TRPM7: variants seen among roughly 807,000 people sequenced by gnomAD.
TRPM7 encodes LTRPC ion channel family member 7.
Under a neutral mutation model 229.7 loss-of-function variants are expected in TRPM7, and 134 were observed. The ratio of observed to expected loss-of-function variants is 0.58; its 90% CI spans 0.51 to 0.67. The LOEUF (loss-of-function observed/expected upper bound fraction) is 0.67, where lower values mean the gene tolerates loss of function less well. TRPM7 is among the 30% of genes least tolerant of loss of function. The pLI, the probability that TRPM7 is intolerant of heterozygous loss-of-function variation, is 0.00. For synonymous variants in TRPM7, 699 were observed against 715.2 expected (o/e 0.98, Z 0.36); for missense variants, 1,901 against 2,210.0 (o/e 0.86, Z 2.80).
At chr15:50,637,398 T>A (rs373031063) in intron 7 of TRPM7, 24 bp downstream of exon 7, 31 of 1,604,144 alleles carry the variant, frequency 1.9e-5, no homozygotes, top group Non-Finnish European at 2.6e-5. Flanking sequence ...ATTTCAACAA[T>A]AACAAATTTG....
At chr15:50,660,204 T>C (rs559308434) in intron 2 of TRPM7, among the ~76,000 whole-genome samples, 2 of 152,232 alleles carry the variant, frequency 1.3e-5, no homozygotes, top group South Asian at 2.1e-4. Context: ...ACTCTAATGA[T>C]TGGAAGAGAT....
At chr15:50,620,311 T>C in intron 12 of TRPM7, among the ~76,000 whole-genome samples, 1 of 102,280 alleles carries the variant, frequency 9.8e-6, no homozygotes, top group Admixed American at 9.0e-5. Context: ...TTTTTTTCAA[T>C]TTTTTTTTTT....
Position 50,625,040 on chromosome 15 carries a change from T to C in TRPM7, c.1306-740A>G, listed in dbSNP as rs566314790. On this transcript the variant is annotated intron_variant, in intron 11 of 38. Transcript: ENST00000646667. ...ATTCAGCATTTGTAGCTGTCCTTTATATATTAAAGCCTATTTTATAAACTT... is the reference window on the plus strand; with the variant it reads ...ATTCAGCATTTGTAGCTGTCCTTTACATATTAAAGCCTATTTTATAAACTT... Among the ~76,000 whole-genome samples the C allele has an allele frequency of 5.9e-5, 9 of 152,368 alleles. No individual in the cohort carries two copies. The South Asian group carries it at 6.2e-4, about 11-fold the overall frequency.
chr15:50,647,699 T>C (rs565452493), intron 4 of TRPM7, among the ~76,000 whole-genome samples: 47 of 152,066 alleles, frequency 3.1e-4, no homozygotes, highest in East Asian at 5.9e-4. Flanking sequence ...TGAGCCGAGA[T>C]TGCGCCACCG....
At chr15:50,639,384 T>A (rs1596279263) in intron 6 of TRPM7, 40 bp downstream of exon 6, 2 of 1,499,424 alleles carry the variant, frequency 1.3e-6, no homozygotes, top group East Asian at 4.8e-5. Flanking sequence ...TTTGTTTACA[T>A]ATAATTTCAA....
At chr15:50,591,322 T>C (rs1220643467) in intron 26 of TRPM7, among the ~76,000 whole-genome samples, 1 of 152,160 alleles carries the variant, frequency 6.6e-6, no homozygotes, top group East Asian at 1.9e-4. Context: ...ACCTCCCCTA[T>C]GAGGTTCTCC....
intron 10 of TRPM7, 62 bp downstream of exon 10, chr15:50,631,353 TAC>T: frequency 1.0e-6 from 1 of 954,114 alleles, no homozygotes; most frequent in Non-Finnish European, 1.6e-6. Flanking sequence ...TATACACACA[TAC>T]ACACACATAT....
At chr15:50,587,041 CAAAA>C (rs901008145) in intron 27 of TRPM7, among the ~76,000 whole-genome samples, 22 of 151,890 alleles carry the variant, frequency 1.4e-4, no homozygotes, top group Non-Finnish European at 4.4e-5. Flanking sequence ...CAAAAGAAAA[CAAAA>C]AACCTCACAA....
intron 13 of TRPM7, among the ~76,000 whole-genome samples, chr15:50,617,803 C>T (rs147942551): frequency 9.9e-5 from 15 of 151,888 alleles, no homozygotes; most frequent in South Asian, 8.4e-4. Flanking sequence ...ACTACAGGCA[C>T]GTGACAACAT....
intron 15 of TRPM7, 104 bp from the exon 16 acceptor site, chr15:50,612,933 A>T: frequency 2.2e-6 from 2 of 928,164 alleles, no homozygotes; most frequent in Non-Finnish European, 3.1e-6. Context: ...CAGCTCCATA[A>T]AACTGCACAA....
Position 50,592,265 on chromosome 15 carries a change from C to CT in TRPM7, c.3969dup (p.Asp1324ArgfsTer5). On this transcript the variant is annotated frameshift_variant, in exon 26 of 39. Transcript: ENST00000646667. LOFTEE classifies it high-confidence loss of function. The stretch of plus-strand genomic sequence containing the variant: ...TGACCAAATATATTACACTGGGGAT[C>CT]TTTGTCATCTTTCATTAAAATATTA... 6.2e-7 allele frequency: 1 copy of CT among 1,613,876 alleles called. No individual in the cohort carries two copies. Among genetic ancestry groups the CT allele is most frequent in the Non-Finnish European group, 8.5e-7 (1 of 1,179,964 alleles).
intron 1 of TRPM7, among the ~76,000 whole-genome samples, chr15:50,665,991 T>A (rs201031773): frequency 6.6e-6 from 1 of 151,588 alleles, no homozygotes; most frequent in East Asian, 1.9e-4. Context: ...AGACTCTCTC[T>A]CAAAAAATAA....
Position 50,634,382 on chromosome 15 carries a change from C to A in TRPM7, c.1007G>T (p.Gly336Val). The change falls in exon 8 of 39, where the codon GGG becomes GTG. Residue 336 changes from glycine (G) to valine (V), a missense_variant and splice_region_variant. Gly to Val is a moderately radical substitution (Grantham distance 109). Coordinates refer to ENST00000646667, the MANE Select transcript of TRPM7 (RefSeq NM_017672.6). ...AYIHKQTEEG[G>V]NLPDAAEPDI... ...AATTAAAATGTTGTCATACACTTACCCTCCTTCTTCTGTTTGTTTATGAAT... is the reference window on the plus strand; with the variant it reads ...AATTAAAATGTTGTCATACACTTACACTCCTTCTTCTGTTTGTTTATGAAT... The A allele has an allele frequency of 6.5e-7, 1 of 1,544,380 alleles. No individual in the cohort carries two copies. The highest frequency in any genetic ancestry group is 8.7e-7 in the Non-Finnish European group (1 of 1,151,956).
chr15:50,597,333 A>G (rs928200150), intron 22 of TRPM7, among the ~76,000 whole-genome samples: 1 of 152,192 alleles, frequency 6.6e-6, no homozygotes, highest in African/African-American at 2.4e-5. Flanking sequence ...TGAATTAGTG[A>G]TAAGTTCTAG....
intron 36 of TRPM7, among the ~76,000 whole-genome samples, chr15:50,573,902 C>T (rs972711708): frequency 6.6e-6 from 1 of 151,916 alleles, no homozygotes; most frequent in African/African-American, 2.4e-5. Context: ...ACTAAAAATA[C>T]AAAAATTAGC....
intron 28 of TRPM7, among the ~76,000 whole-genome samples, chr15:50,585,622 G>T (rs2059322046): frequency 6.6e-6 from 1 of 151,972 alleles, no homozygotes; most frequent in Non-Finnish European, 1.5e-5. Context: ...TTATATTTTT[G>T]AATGTTAAGA....
intron 38 of TRPM7, among the ~76,000 whole-genome samples, chr15:50,562,751 C>T (rs1335871225): frequency 1.4e-5 from 2 of 144,694 alleles, no homozygotes; most frequent in Non-Finnish European, 3.0e-5. Flanking sequence ...TCAACCTGGG[C>T]GACAGAGTGA....
chr15:50,648,722 T>G lies in TRPM7; in HGVS notation c.286A>C (p.Asn96His), dbSNP rs2061336322. ...TAGGAATGAGAACCCCCTTGAAAAT[T>G]TATGACTCCATAAGCATCCGTTGGG... ...QSPTDAYGVI[N>H]FQGGSHSYRA... Residue 96 changes from asparagine (N) to histidine (H), a missense_variant, in exon 4 of 39, where the codon AAT (asparagine) becomes CAT (histidine). Transcript: ENST00000646667. 1.2e-6 allele frequency: 2 copies of G among 1,610,286 alleles called. No individual in the cohort carries two copies. Among genetic ancestry groups the G allele is most frequent in the South Asian group, 1.1e-5 (1 of 90,496 alleles).
intron 1 of TRPM7, among the ~76,000 whole-genome samples, chr15:50,677,595 C>T (rs570101310): frequency 6.6e-6 from 1 of 151,516 alleles, no homozygotes; most frequent in Non-Finnish European, 1.5e-5. Flanking sequence ...AAAAATTAGC[C>T]GGGTGTGGTG....
Sources: gnomAD v4.1 joint callset for allele counts (sites outside exome capture counted in the v4.1 genomes callset) on GRCh38, gnomAD v4.1.1 for gene constraint, MANE v1.5 for transcripts, NCBI Gene and HGNC (gene_info 2026-07-23, HGNC 2026-07-21) for gene names.